PARD3B: variants seen among roughly 807,000 people sequenced by gnomAD.
PARD3B encodes par-3 family cell polarity regulator beta.
A neutral mutation model predicts 130.2 loss-of-function variants in PARD3B; 103 were observed. The observed-to-expected ratio is 0.79, with a 90% confidence interval of 0.67 to 0.93. PARD3B has a LOEUF of 0.93. Ranked by LOEUF, PARD3B falls within the 40% of genes least tolerant of loss-of-function variation. The probability of loss-of-function intolerance (pLI) is 0.00; values close to 1 mark genes in which losing one functional copy is unlikely to be tolerated. For synonymous variants in PARD3B, 583 were observed against 553.2 expected, an observed-to-expected ratio of 1.05 and a Z score of -0.76; for missense variants, 1,609 against 1,499.2, an observed-to-expected ratio of 1.07 and a Z score of -1.21.
At chr2:205,282,821 A>G (rs531801951) in intron 16 of PARD3B, among the ~76,000 whole-genome samples, 16 of 152,284 alleles carry the variant, frequency 1.1e-4, no homozygotes, top group Admixed American at 3.9e-4. Flanking sequence ...GGGGAGATGC[A>G]GTATTCCAGA....
intron 20 of PARD3B, among the ~76,000 whole-genome samples, chr2:205,442,234 C>T (rs1014242857): frequency 1.3e-5 from 2 of 149,178 alleles, no homozygotes; most frequent in East Asian, 3.9e-4. Flanking sequence ...TTCACAAGTC[C>T]AATACATATG....
At chr2:205,609,427 C>T (rs909283801) in intron 22 of PARD3B, among the ~76,000 whole-genome samples, 11 of 152,156 alleles carry the variant, frequency 7.2e-5, no homozygotes, top group South Asian at 6.2e-4. Context: ...TTTCTGCCAA[C>T]GGGTACAGGC....
At chr2:204,910,284 G>C (rs1273869093) in intron 2 of PARD3B, among the ~76,000 whole-genome samples, 2 of 152,096 alleles carry the variant, frequency 1.3e-5, no homozygotes, top group Non-Finnish European at 2.9e-5. Flanking sequence ...TGAATGGGTA[G>C]CTGGGCTAAG....
intron 15 of PARD3B, among the ~76,000 whole-genome samples, chr2:205,232,602 G>A (rs186200810): frequency 5.3e-5 from 8 of 152,232 alleles, no homozygotes; most frequent in Admixed American, 1.3e-4. Context: ...TGACACAGAT[G>A]TTAGAATTAG....
In PARD3B at chr2:205,104,484, T is replaced by C. The variant is rs759399422; in HGVS notation, c.563T>C (p.Leu188Pro). 5.0e-6 allele frequency: 8 copies of C among 1,593,032 alleles called. No homozygotes were observed. Among genetic ancestry groups the C allele is most frequent in the Non-Finnish European group, 6.9e-6 (8 of 1,160,986 alleles). The change falls in exon 5 of 23, where the codon CTA (leucine) becomes CCA (proline). Residue 188 changes from leucine (L) to proline (P), a missense_variant. By Grantham distance (98) the Leu-to-Pro change is moderately conservative. Transcript: ENST00000406610. ...TTGAATGGTGTACAGACAGAACTACTAACTTCGCCAAGAACTAAGGACACA... is the reference window on the plus strand; with the variant it reads ...TTGAATGGTGTACAGACAGAACTACCAACTTCGCCAAGAACTAAGGACACA... ...EVLNGVQTEL[L>P]TSPRTKDTLS...
chr2:204,779,515 A>G (rs569650578), intron 2 of PARD3B, among the ~76,000 whole-genome samples: 22 of 152,348 alleles, frequency 1.4e-4, no homozygotes, highest in African/African-American at 5.0e-4. Context: ...GGACCAGAAT[A>G]ATATAGTGAA....
chr2:204,717,792 T>C (rs1272120548), intron 2 of PARD3B, among the ~76,000 whole-genome samples: 2 of 152,152 alleles, frequency 1.3e-5, no homozygotes, highest in Non-Finnish European at 2.9e-5. Flanking sequence ...GTGGCATCTG[T>C]GCCTTGGATG....
chr2:205,053,431 A>G (rs1175143237), intron 4 of PARD3B, among the ~76,000 whole-genome samples: 1 of 151,978 alleles, frequency 6.6e-6, no homozygotes, highest in Non-Finnish European at 1.5e-5. Flanking sequence ...TGAGGTTAGG[A>G]GTTCGAGACC....
chr2:204,783,467 C>G (rs1466141419), intron 2 of PARD3B, among the ~76,000 whole-genome samples: 2 of 152,096 alleles, frequency 1.3e-5, no homozygotes, highest in Non-Finnish European at 2.9e-5. Flanking sequence ...TTACCTCCCT[C>G]AAGGGCCTAT....
At chr2:205,115,740 G>A (rs1703977148) in intron 6 of PARD3B, among the ~76,000 whole-genome samples, 1 of 152,158 alleles carries the variant, frequency 6.6e-6, no homozygotes, top group Non-Finnish European at 1.5e-5. Flanking sequence ...TATAGAGCAT[G>A]TCAGACAAGT....
rs1051758269 is a variant in PARD3B at position 204,907,523 on chromosome 2, C to T, written c.223-57629C>T. ...AAATTATTCTTTTCAGGGAATTTCA[C>T]TGTGTCACTCTGGGTGGTAATGCAA... On this transcript the variant is annotated intron_variant, in intron 2 of 22. Coordinates refer to ENST00000406610, the MANE Select transcript of PARD3B (RefSeq NM_001302769.2). This position sits in a 1 kb window ranked among gnomAD's most constrained non-coding sequence, Gnocchi z 5.7. Among the ~76,000 whole-genome samples, 2 of 152,152 alleles carry T rather than the reference C, an allele frequency of 1.3e-5. No homozygotes were observed. Among genetic ancestry groups the T allele is most frequent in the African/African-American group, 2.4e-5 (1 of 41,446 alleles).
chr2:205,247,935 GT>G (rs986124854), intron 16 of PARD3B, among the ~76,000 whole-genome samples: 3 of 151,582 alleles, frequency 2.0e-5, no homozygotes, highest in African/African-American at 7.3e-5. Context: ...TTTGTTTTTT[GT>G]TTTTGTTTTT....
intron 21 of PARD3B, among the ~76,000 whole-genome samples, chr2:205,543,368 A>G (rs950031766): frequency 6.6e-6 from 1 of 152,210 alleles, no homozygotes; most frequent in Non-Finnish European, 1.5e-5. Context: ...AGAAATAAAT[A>G]TTACTAGGCC....
chr2:204,764,451 T>C (rs2041046400), intron 2 of PARD3B, among the ~76,000 whole-genome samples: 1 of 152,188 alleles, frequency 6.6e-6, no homozygotes. Flanking sequence ...TTTCTGTGCC[T>C]GCAGCTTGAT....
intron 15 of PARD3B, among the ~76,000 whole-genome samples, chr2:205,206,388 C>T (rs898225541): frequency 6.9e-6 from 1 of 145,782 alleles, no homozygotes; most frequent in African/African-American, 2.6e-5. Context: ...CACAACAGTC[C>T]CCAGAGTGTG....
intron 2 of PARD3B, among the ~76,000 whole-genome samples, chr2:204,750,606 A>G (rs2040423654): frequency 6.7e-6 from 1 of 150,112 alleles, no homozygotes; most frequent in Non-Finnish European, 1.5e-5. Flanking sequence ...ACATACATAC[A>G]TACATACATA....
rs2036582538 is a variant in PARD3B at position 204,677,001 on chromosome 2, TGA to T, written c.121-9178_121-9177del. ...TCTTTTTGAAGGATCTTTCTTACGCTGAGTTTCTACCTCTCTATCGTCTATGT... is the reference window on the plus strand; with the variant it reads ...TCTTTTTGAAGGATCTTTCTTACGCTGTTTCTACCTCTCTATCGTCTATGT... On this transcript the variant is annotated intron_variant, in intron 1 of 22. Transcript: ENST00000406610. This position sits in a 1 kb window ranked among gnomAD's most constrained non-coding sequence, Gnocchi z 4.1. Among the ~76,000 whole-genome samples, 1 of 152,142 alleles carries T rather than the reference TGA, an allele frequency of 6.6e-6. No individual in the cohort carries two copies. The highest frequency in any genetic ancestry group is 1.5e-5 in the Non-Finnish European group (1 of 68,024).
intron 1 of PARD3B, among the ~76,000 whole-genome samples, chr2:204,556,942 C>T (rs1444111544): frequency 4.6e-5 from 7 of 151,778 alleles, no homozygotes. Flanking sequence ...CCATGGTTAC[C>T]TTTTACTTCT....
At chr2:205,419,722 G>A (rs926105958) in intron 19 of PARD3B, among the ~76,000 whole-genome samples, 5 of 152,180 alleles carry the variant, frequency 3.3e-5, no homozygotes, top group Non-Finnish European at 5.9e-5. Context: ...GGGGAAAGGG[G>A]AGAATCAGGA....
Sources: allele counts gnomAD v4.1 joint callset (sites outside exome capture counted in the v4.1 genomes callset), GRCh38; gene constraint gnomAD v4.1.1; non-coding constraint Gnocchi (gnomAD v3.1); transcripts MANE v1.5; gene names NCBI Gene and HGNC (gene_info 2026-07-23, HGNC 2026-07-21).